The following SZT2 variants were observed in gnomAD, a reference collection of about 807,000 sequenced individuals.
SZT2 encodes the protein SZT2 subunit of KICSTOR complex.
SZT2 carries 216 observed loss-of-function variants against 404.2 expected under a neutral mutation model. The observed-to-expected ratio is 0.53, with a 90% CI of 0.48 to 0.60. The LOEUF is 0.60. Among genes scored for constraint, SZT2 ranks in the 20% least tolerant of loss-of-function variants. The probability of loss-of-function intolerance (pLI) is 0.00; values close to 1 mark genes in which losing one functional copy is unlikely to be tolerated. For missense variants in SZT2, 3,857 were observed against 4,459.2 expected, an observed-to-expected ratio of 0.86 and a Z score of 3.85; for synonymous variants, 1,693 against 1,749.9, an observed-to-expected ratio of 0.97 and a Z score of 0.81.
At chr1:43,434,009 C>T (rs935978613) in intron 40 of SZT2, among the ~76,000 whole-genome samples, 2 of 152,128 alleles carry the variant, frequency 1.3e-5, no homozygotes, top group African/African-American at 4.8e-5. Flanking sequence ...CTACTGCTCT[C>T]ATCTCGGGTG....
chr1:43,403,768 C>A lies in SZT2; in HGVS notation c.321C>A (p.Gly107=). The A allele has an allele frequency of 6.2e-7, 1 of 1,613,826 alleles. No homozygotes were observed. Among genetic ancestry groups the A allele is most frequent in the Non-Finnish European group, 8.5e-7 (1 of 1,179,924 alleles). ...AGTTGGACCTTAGCCCATCTACTGG[C>A]ATTGTGGTAAAGGATTGAAGGGAGA... ...VIELDLSPST[G]IVDDSTGEIL... is the part of the protein sequence containing the mutation. The change falls in exon 3 of 72, where the codon GGC becomes GGA. Residue 107 remains glycine (G), a synonymous_variant. Coordinates refer to ENST00000634258, the MANE Select transcript of SZT2 (RefSeq NM_001365999.1).
At position 43,397,297 on chromosome 1, in the gene SZT2, C is replaced by T. The variant is rs556071216; in HGVS notation, c.28-5880C>T. Among the ~76,000 whole-genome samples the T allele has an allele frequency of 1.1e-4, 17 of 151,702 alleles. No individual in the cohort carries two copies. In the South Asian group the frequency reaches 3.1e-3, roughly 28 times the overall value. On this transcript the variant is annotated intron_variant, in intron 1 of 71. Transcript: ENST00000634258. ...CAAAAATTAACTGGGTGTGGTGGCA[C>T]GTGCTTATAGTCCCAGCTACTGAGG...
intron 1 of SZT2, among the ~76,000 whole-genome samples, chr1:43,399,784 C>T (rs181939654): frequency 6.6e-6 from 1 of 151,612 alleles, no homozygotes; most frequent in East Asian, 1.9e-4. Flanking sequence ...TTTTTTAATG[C>T]AGATATAATG....
intron 6 of SZT2, among the ~76,000 whole-genome samples, 165 bp downstream of exon 6, chr1:43,416,266 C>T (rs1651710555): frequency 6.6e-6 from 1 of 152,108 alleles, no homozygotes; most frequent in Non-Finnish European, 1.5e-5. Context: ...ATCAGGAACC[C>T]TCGACTCTGA....
Position 43,453,385 on chromosome 1 carries a change from C to G in SZT2, c.*2905C>G, listed in dbSNP as rs1656657095. On this transcript the variant is annotated 3_prime_UTR_variant, in exon 72 of 72. Transcript: ENST00000634258. ...GGTGGGGGTGGGGTGGAGCGGGGTA[C>G]CTGGGACAGCCCAGGGCTTTGGCAT... is the stretch of plus-strand genomic sequence containing the variant. 1.3e-6 allele frequency: 2 copies of G among 1,546,984 alleles called. No homozygotes were observed. The highest frequency in any genetic ancestry group is 1.7e-6 in the Non-Finnish European group (2 of 1,143,168).
At chr1:43,407,272 G>A (rs1215599674) in intron 4 of SZT2, among the ~76,000 whole-genome samples, 1 of 152,208 alleles carries the variant, frequency 6.6e-6, no homozygotes, top group Admixed American at 6.5e-5. Flanking sequence ...GGGAAGCCAA[G>A]GCAGGTGAAT....
chr1:43,392,354 A>C (rs1385764415), intron 1 of SZT2, among the ~76,000 whole-genome samples: 1 of 152,106 alleles, frequency 6.6e-6, no homozygotes, highest in African/African-American at 2.4e-5. Context: ...AGAGCAGTAC[A>C]GATCTAAAGT....
intron 42 of SZT2, 52 bp downstream of exon 42, chr1:43,435,381 T>A (rs1654356456): frequency 6.2e-7 from 1 of 1,601,980 alleles, no homozygotes; most frequent in African/African-American, 1.3e-5. Context: ...CCGCCCTTTC[T>A]TTTACCGAAT....
Position 43,443,056 on chromosome 1 carries a change from T to C in SZT2, c.8389T>C (p.Phe2797Leu). ...PDPVTYHGQQ[F>L]LEIKMAERRE... ...TCCTGTCACCTACCATGGACAACAG[T>C]TCCTAGAGATCAAGATGGCAGAGCG... The change falls in exon 59 of 72, where the codon TTC becomes CTC. Residue 2797 changes from phenylalanine to leucine, a missense_variant. Phe to Leu is a conservative substitution (Grantham distance 22, BLOSUM62 0). Transcript: ENST00000634258. 6.2e-7 allele frequency: 1 copy of C among 1,612,892 alleles called. No individual in the cohort carries two copies. The highest frequency in any genetic ancestry group is 8.5e-7 in the Non-Finnish European group (1 of 1,179,166).
chr1:43,421,229 G>A lies in SZT2; in HGVS notation c.1552G>A (p.Glu518Lys). ...CCTTCAGTCCTTCTCCTCAGTGCCT[G>A]AGCATTTCACGCTTCCTGACAGCAC... ...AHLQSFSSVP[E>K]HFTLPDSTKS... The change falls in exon 11 of 72, where the codon GAG (glutamate) becomes AAG (lysine). Residue 518 changes from glutamate (E) to lysine (K), a missense_variant. Glu to Lys is a moderately conservative substitution (Grantham distance 56). This residue lies in a region of SZT2 where 39 missense variants were observed against 89.7 expected (regional missense o/e 0.43). Coordinates refer to ENST00000634258, the MANE Select transcript of SZT2 (RefSeq NM_001365999.1). 2 of 1,598,554 alleles carry A rather than the reference G, an allele frequency of 1.3e-6. No individual in the cohort carries two copies. The highest frequency in any genetic ancestry group is 1.7e-6 in the Non-Finnish European group (2 of 1,179,808).
chr1:43,447,409 T>C, intron 66 of SZT2, 136 bp from the exon 67 acceptor site: 1 of 1,248,412 alleles, frequency 8.0e-7, no homozygotes, highest in Non-Finnish European at 1.1e-6. Context: ...TCCACAGGAA[T>C]GCAGGAGCTC....
At chr1:43,400,777 C>T (rs1649585692) in intron 1 of SZT2, among the ~76,000 whole-genome samples, 1 of 151,706 alleles carries the variant, frequency 6.6e-6, no homozygotes, top group East Asian at 1.9e-4. Flanking sequence ...GAGGCTTAGG[C>T]AGGAGAATCA....
rs2153934027 is a variant in SZT2 at position 43,431,524 on chromosome 1, G to A, written c.5088+1G>A. 1 of 1,614,106 alleles carries A rather than the reference G, an allele frequency of 6.2e-7. No individual in the cohort carries two copies. Among genetic ancestry groups the A allele is most frequent in the Middle Eastern group, 1.6e-4 (1 of 6,062 alleles). On this transcript the variant is annotated splice_donor_variant, in intron 35 of 71. Coordinates refer to ENST00000634258, the MANE Select transcript of SZT2 (RefSeq NM_001365999.1). LOFTEE classifies it high-confidence loss of function. Reference sequence around the variant, plus strand: ...GGCTATTGAGACCACCATGAATGAGGTGAGCCCCCCACCCCCAACACTGTA... The same window carrying A: ...GGCTATTGAGACCACCATGAATGAGATGAGCCCCCCACCCCCAACACTGTA...
Position 43,442,748 on chromosome 1 carries a change from G to C in SZT2, c.8152-71G>C. On this transcript the variant is annotated intron_variant, in intron 58 of 71. Transcript: ENST00000634258. This position sits in a 1 kb window ranked among gnomAD's most constrained non-coding sequence, Gnocchi z 4.5. ...TAGTGGGGAGGGAGAGTCTGAGAGA[G>C]GAAGCCCTGGGATGAGAGAGAGGGT... 6.5e-7 allele frequency: 1 copy of C among 1,536,876 alleles called. No homozygotes were observed. Among genetic ancestry groups the C allele is most frequent in the Non-Finnish European group, 8.7e-7 (1 of 1,143,296 alleles).
intron 1 of SZT2, 91 bp downstream of exon 1, chr1:43,390,086 G>A: frequency 2.3e-6 from 3 of 1,323,970 alleles, no homozygotes; most frequent in Non-Finnish European, 2.9e-6. Flanking sequence ...CTAGGTCTGG[G>A]GGTGGCCGGG....
At chr1:43,445,484 A>T in intron 62 of SZT2, 1 of 233,590 alleles carries the variant, frequency 4.3e-6, no homozygotes. Context: ...AAAGCCTGGA[A>T]CTGCCATCCC....
intron 2 of SZT2, 73 bp downstream of exon 2, chr1:43,403,375 C>T (rs1052755643): frequency 1.3e-6 from 2 of 1,557,150 alleles, no homozygotes; most frequent in South Asian, 1.2e-5. Context: ...GTGCTAGAAA[C>T]AGACAGGGTG....
In SZT2 at chr1:43,427,184, C is replaced by G; in HGVS notation, c.3433+5C>G. 1 of 1,614,122 alleles carries G rather than the reference C, an allele frequency of 6.2e-7. No individual in the cohort carries two copies. On this transcript the variant is annotated splice_donor_5th_base_variant and intron_variant, in intron 24 of 71. Transcript: ENST00000634258. ...TTCTCCCAGCTACCTTCTCAGGTGC[C>G]AGCTGCTGACCTCCTCACGAACCCC...
At position 43,450,629 on chromosome 1, in the gene SZT2, G is replaced by T; in HGVS notation, c.*149G>T. ...AAAGGCTTTGTAACTATGTCTTGAG[G>T]GTCTGCTGCCCCAGCCTGGCAGCAG... On this transcript the variant is annotated 3_prime_UTR_variant, in exon 72 of 72. Transcript: ENST00000634258. This position sits in a 1 kb window ranked among gnomAD's most constrained non-coding sequence, Gnocchi z 4.3. 8.1e-7 allele frequency: 1 copy of T among 1,234,654 alleles called. No homozygotes were observed. Among genetic ancestry groups the T allele is most frequent in the Non-Finnish European group, 1.1e-6 (1 of 890,310 alleles). The allele number at this position is 1,234,654 out of a possible 1,614,324, so 76.5% of individuals were successfully genotyped here.
Sources: gnomAD v4.1 joint callset for allele counts (sites outside exome capture counted in the v4.1 genomes callset) on GRCh38, gnomAD v4.1.1 for gene constraint, gnomAD v4.1.1 regional missense constraint, Gnocchi (gnomAD v3.1) non-coding constraint, MANE v1.5 for transcripts, NCBI Gene and HGNC (gene_info 2026-07-23, HGNC 2026-07-21) for gene names.